Variants in ENPP2 observed in about 807,000 individuals in gnomAD.
ENPP2 encodes the protein ectonucleotide pyrophosphatase/phosphodiesterase 2.
ENPP2 carries 51 observed loss-of-function variants against 120.2 expected under a neutral mutation model. The ratio of observed to expected loss-of-function variants is 0.42; its 90% CI spans 0.34 to 0.54. ENPP2 has a LOEUF of 0.54. ENPP2 is among the 20% of genes least tolerant of loss of function. The pLI, the probability that ENPP2 is intolerant of heterozygous loss-of-function variation, is 0.04. For missense variants in ENPP2, 920 were observed against 1,066.5 expected (o/e 0.86, Z 1.91); for synonymous variants, 365 against 366.4 (o/e 1.00, Z 0.04).
intron 8 of ENPP2, 78 bp from the exon 9 acceptor site, chr8:119,608,055 G>C (rs1304902895): frequency 8.8e-6 from 8 of 914,148 alleles, no homozygotes; most frequent in Admixed American, 2.4e-5. Context: ...AAATACATTA[G>C]ATCAGATATC....
At chr8:119,610,043 G>T (rs1261773396) in intron 8 of ENPP2, among the ~76,000 whole-genome samples, 5 of 152,142 alleles carry the variant, frequency 3.3e-5, no homozygotes, top group Admixed American at 6.5e-5. Context: ...CAAAAGGAAG[G>T]AGCACACAGA....
intron 8 of ENPP2, among the ~76,000 whole-genome samples, chr8:119,613,493 A>G (rs1815249728): frequency 6.6e-6 from 1 of 152,212 alleles, no homozygotes; most frequent in African/African-American, 2.4e-5. Context: ...TGCATGGTTT[A>G]GTCCCTCAGT....
At chr8:119,615,344 G>GTTA (rs1815386040) in intron 8 of ENPP2, among the ~76,000 whole-genome samples, 1 of 152,096 alleles carries the variant, frequency 6.6e-6, no homozygotes, top group Non-Finnish European at 1.5e-5. Flanking sequence ...TGTGCCCTGG[G>GTTA]TTATGTTCCT....
At position 119,654,060 on chromosome 8, in the gene ENPP2, ATAT is replaced by A. The variant is rs1328999706; in HGVS notation, c.22-15536_22-15534del. Among the ~76,000 whole-genome samples the A allele has an allele frequency of 4.8e-5, 7 of 145,220 alleles. No homozygotes were observed. The South Asian group carries it at 1.3e-3, about 26-fold the overall frequency. On this transcript the variant is annotated intron_variant, in intron 1 of 25. Transcript: ENST00000427067. ...TATATGTTATATTATCTAGAGAGAC[ATAT>A]TATATATTATATTATATATTATGTG...
chr8:119,633,331 T>A (rs1354223416), intron 2 of ENPP2, among the ~76,000 whole-genome samples: 1 of 152,204 alleles, frequency 6.6e-6, no homozygotes, highest in Non-Finnish European at 1.5e-5. Flanking sequence ...AAGCTTTGTC[T>A]GCTCCTGTTT....
chr8:119,559,875 G>T (rs1441839142), intron 24 of ENPP2, among the ~76,000 whole-genome samples: 1 of 152,152 alleles, frequency 6.6e-6, no homozygotes, highest in Non-Finnish European at 1.5e-5. Flanking sequence ...AAAATTCACA[G>T]CAAGGACAGC....
intron 2 of ENPP2, among the ~76,000 whole-genome samples, chr8:119,631,128 T>A (rs1816639015): frequency 6.6e-6 from 1 of 150,502 alleles, no homozygotes; most frequent in South Asian, 2.1e-4. Context: ...ACTCCTGACC[T>A]CGTGATCCGC....
intron 13 of ENPP2, 56 bp from the exon 14 acceptor site, chr8:119,587,131 A>G: frequency 1.4e-6 from 2 of 1,440,062 alleles, no homozygotes; most frequent in Non-Finnish European, 1.9e-6. Context: ...ACCAAGAGAA[A>G]TCATTTTTGC....
At chr8:119,663,716 C>T (rs1414316795) in intron 1 of ENPP2, among the ~76,000 whole-genome samples, 2 of 152,140 alleles carry the variant, frequency 1.3e-5, no homozygotes, top group Non-Finnish European at 2.9e-5. Flanking sequence ...CTGAAACACT[C>T]TGAGACAACC....
At position 119,557,504 on chromosome 8, in the gene ENPP2, T is replaced by C; in HGVS notation, c.*17A>G. The C allele has an allele frequency of 6.3e-7, 1 of 1,599,626 alleles. No homozygotes were observed. Among genetic ancestry groups the C allele is most frequent in the Non-Finnish European group, 8.5e-7 (1 of 1,169,774 alleles). On this transcript the variant is annotated 3_prime_UTR_variant, in exon 25 of 25. Transcript: ENST00000075322. ...ATACAACCAGTTGATAAGACTGTACTGCAGATGCTCAGAAAGTTAAATCTC... is the reference window on the plus strand; with the variant it reads ...ATACAACCAGTTGATAAGACTGTACCGCAGATGCTCAGAAAGTTAAATCTC...
chr8:119,632,103 T>G (rs1349371299), intron 2 of ENPP2, among the ~76,000 whole-genome samples: 3 of 152,228 alleles, frequency 2.0e-5, no homozygotes, highest in Non-Finnish European at 4.4e-5. Context: ...AGGGAAAGAT[T>G]ATCCGATTTG....
At chr8:119,644,549 G>C (rs1817373136) in intron 1 of ENPP2, among the ~76,000 whole-genome samples, 1 of 130,818 alleles carries the variant, frequency 7.6e-6, no homozygotes, top group African/African-American at 2.8e-5. Flanking sequence ...AGAGCTAATA[G>C]CTTTAAACCA....
chr8:119,671,037 A>G (rs1818227242), intron 1 of ENPP2, among the ~76,000 whole-genome samples: 1 of 151,742 alleles, frequency 6.6e-6, no homozygotes, highest in Non-Finnish European at 1.5e-5. Flanking sequence ...CTGTAATCCT[A>G]GCATTTTGGG....
chr8:119,644,656 A>G (rs1406986755), intron 1 of ENPP2, among the ~76,000 whole-genome samples: 1 of 66,504 alleles, frequency 1.5e-5, no homozygotes, highest in Non-Finnish European at 2.8e-5. Context: ...ACATATAGAT[A>G]TATATATATA....
intron 17 of ENPP2, among the ~76,000 whole-genome samples, chr8:119,583,138 C>T (rs1031980663): frequency 2.0e-5 from 3 of 152,048 alleles, no homozygotes; most frequent in African/African-American, 4.8e-5. Context: ...TTGCCAAGTG[C>T]GTATTCAGTA....
chr8:119,574,411 C>G (rs1369130361), intron 19 of ENPP2, among the ~76,000 whole-genome samples: 1 of 151,310 alleles, frequency 6.6e-6, no homozygotes, highest in Non-Finnish European at 1.5e-5. Flanking sequence ...CCTGGTCTTC[C>G]CAGGCTGAGA....
intron 8 of ENPP2, among the ~76,000 whole-genome samples, chr8:119,615,487 G>GA (rs1420517586): frequency 6.6e-6 from 1 of 152,118 alleles, no homozygotes; most frequent in African/African-American, 2.4e-5. Context: ...ACGGTCACAG[G>GA]AAAAACATTA....
At chr8:119,578,316 A>G (rs894167612) in intron 19 of ENPP2, 1 of 152,044 alleles carries the variant, frequency 6.6e-6, no homozygotes, top group African/African-American at 2.4e-5. Flanking sequence ...AGCCTCCTAG[A>G]GTGCTGGGAT....
chr8:119,628,533 G>A (rs565014595), intron 2 of ENPP2, among the ~76,000 whole-genome samples: 2 of 152,084 alleles, frequency 1.3e-5, no homozygotes, highest in Non-Finnish European at 1.5e-5. Context: ...AGAAAGAATC[G>A]CTATATCCAT....
Sources: allele counts gnomAD v4.1 joint callset (sites outside exome capture counted in the v4.1 genomes callset), GRCh38; gene constraint gnomAD v4.1.1; transcripts MANE v1.5; gene names NCBI Gene and HGNC (gene_info 2026-07-23, HGNC 2026-07-21).